Variants in FAM118B observed in about 807,000 individuals in gnomAD.
FAM118B encodes protein FAM118B.
Under a neutral mutation model 38.5 loss-of-function variants are expected in FAM118B, and 24 were observed. The observed-to-expected ratio is 0.62, with a 90% CI of 0.45 to 0.88. The LOEUF is 0.88. Ranked by LOEUF, FAM118B falls within the 40% of genes least tolerant of loss-of-function variation. The probability of loss-of-function intolerance (pLI) is 0.00; values close to 1 mark genes in which losing one functional copy is unlikely to be tolerated. For synonymous variants in FAM118B, 138 were observed against 156.3 expected, an observed-to-expected ratio of 0.88 and a Z score of 0.87; for missense variants, 334 against 420.0, an observed-to-expected ratio of 0.80 and a Z score of 1.79.
chr11:126,215,919 G>C (rs754923913), intron 1 of FAM118B, among the ~76,000 whole-genome samples: 1 of 151,594 alleles, frequency 6.6e-6, no homozygotes. Flanking sequence ...GAGGTGGGAG[G>C]ATCATTTGAG....
rs1950578758 is a variant in FAM118B, at chr11:126,256,324, C to T, written c.697-243C>T. Among the ~76,000 whole-genome samples, 1 of 152,184 alleles carries T rather than the reference C, an allele frequency of 6.6e-6. No homozygotes were observed. Among genetic ancestry groups the T allele is most frequent in the Non-Finnish European group, 1.5e-5 (1 of 68,020 alleles). ...AAACTACTGCACCAGTACACTGACA[C>T]CAGCTCTATGAAACGCTGATTAGAG... On this transcript the variant is annotated intron_variant, in intron 6 of 8. Coordinates refer to ENST00000533050, the MANE Select transcript of FAM118B (RefSeq NM_024556.4). This position sits in a 1 kb window ranked among gnomAD's most constrained non-coding sequence, Gnocchi z 6.6.
intron 1 of FAM118B, among the ~76,000 whole-genome samples, chr11:126,216,764 C>T (rs557332647): frequency 1.1e-3 from 168 of 152,334 alleles, no homozygotes; most frequent in Admixed American, 1.8e-3. Context: ...ATACTCATTT[C>T]CAAAGCAATC....
Position 126,241,029 on chromosome 11 carries a change from C to G in FAM118B, c.324C>G (p.Ile108Met). ...TGGTCCATGTTGCCCATGACCTTAT[C>G]CAGAAACTCTCTCCTGTGAGTACCC... ...KNLVHVAHDLIQKLSPRTSNV... is the reference protein window; with the variant it reads ...KNLVHVAHDLMQKLSPRTSNV... The change falls in exon 4 of 9, where the codon ATC becomes ATG. Residue 108 changes from isoleucine to methionine, a missense_variant. Ile to Met is a conservative substitution (Grantham distance 10). Around this residue, in one of 3 missense-constraint regions of FAM118B, gnomAD observed 240 missense variants for 295.9 expected, o/e 0.81. Transcript: ENST00000533050. 6.3e-7 allele frequency: 1 copy of G among 1,599,136 alleles called. No individual in the cohort carries two copies. Among genetic ancestry groups the G allele is most frequent in the Non-Finnish European group, 8.5e-7 (1 of 1,171,866 alleles).
chr11:126,241,550 A>G (rs1388411056), intron 4 of FAM118B, among the ~76,000 whole-genome samples: 1 of 151,722 alleles, frequency 6.6e-6, no homozygotes, highest in Non-Finnish European at 1.5e-5. Context: ...AAATTTATTT[A>G]TTTATTTATT....
intron 3 of FAM118B, among the ~76,000 whole-genome samples, chr11:126,237,072 A>G (rs1950284365): frequency 6.7e-6 from 1 of 149,444 alleles, no homozygotes; most frequent in Non-Finnish European, 1.5e-5. Context: ...GCCCGCCACC[A>G]TGCCCGGCTA....
In FAM118B at chr11:126,249,731, CAAAAAAAAAAAA is replaced by C. The variant is rs71048775; in HGVS notation, c.340-763_340-752del. 1.1e-4 allele frequency among the ~76,000 whole-genome samples: 9 copies of C among 79,004 alleles called. No individual in the cohort carries two copies. The South Asian group carries it at 2.7e-3, about 23-fold the overall frequency. 51.8% of individuals were successfully genotyped at this position (79,004 alleles called of 152,430 possible). A position where few individuals can be genotyped will look rare whatever the true frequency, so the allele number is the denominator to read the frequency against. ...TGGGTGACAGAATGAGACTCCGTCT[CAAAAAAAAAAAA>C]AAAAAAAAAAAGAAAAAGAAAAGGA... On this transcript the variant is annotated intron_variant, in intron 4 of 8. Transcript: ENST00000533050.
At chr11:126,225,830 A>C (rs550283929) in intron 1 of FAM118B, among the ~76,000 whole-genome samples, 3 of 152,246 alleles carry the variant, frequency 2.0e-5, no homozygotes, top group African/African-American at 4.8e-5. Flanking sequence ...AAATACAAAA[A>C]TTAGCTGGGC....
At position 126,239,608 on chromosome 11, in the gene FAM118B, T is replaced by C. The variant is rs144213478; in HGVS notation, c.87-1184T>C. ...CATGACTCCCGTAGTGTCTGGTACA[T>C]ACAGGTTTTCCTTTCCTGCCTCAGC... On this transcript the variant is annotated intron_variant, in intron 3 of 8. Coordinates refer to ENST00000533050, the MANE Select transcript of FAM118B (RefSeq NM_024556.4). 7.9e-5 allele frequency among the ~76,000 whole-genome samples: 12 copies of C among 152,242 alleles called. No homozygotes were observed. In the South Asian group the frequency reaches 1.2e-3, roughly 16 times the overall value.
intron 4 of FAM118B, among the ~76,000 whole-genome samples, chr11:126,243,903 CA>C (rs34063466): frequency 0.037 from 3,885 of 104,528 alleles, 118 homozygotes; most frequent in African/African-American, 0.11. Flanking sequence ...GACTCCGTCT[CA>C]AAAAAAAAAA....
chr11:126,237,794 T>G (rs1420644435), intron 3 of FAM118B, among the ~76,000 whole-genome samples: 2 of 142,316 alleles, frequency 1.4e-5, no homozygotes, highest in East Asian at 4.2e-4. Flanking sequence ...GAGGCGGAGG[T>G]TGCAGTGAGC....
rs1166601219 is a variant in FAM118B, at chr11:126,211,814, C to T, written c.-93C>T. 6.7e-5 allele frequency: 44 copies of T among 658,282 alleles called. No homozygotes were observed. Among genetic ancestry groups the T allele is most frequent in the South Asian group, 3.8e-5 (2 of 53,300 alleles). The allele number at this position is 658,282 out of a possible 1,614,324, so 40.8% of individuals were successfully genotyped here. On this transcript the variant is annotated 5_prime_UTR_variant, in exon 1 of 9. Coordinates refer to ENST00000533050, the MANE Select transcript of FAM118B (RefSeq NM_024556.4). ...CCGGTAGCTGCAGCTGGAGCAGTGG[C>T]GTTTGGAGGAGACTCGGTGAGTGTG...
At chr11:126,247,972 A>G (rs1036515148) in intron 4 of FAM118B, among the ~76,000 whole-genome samples, 2 of 141,786 alleles carry the variant, frequency 1.4e-5, no homozygotes, top group Non-Finnish European at 3.0e-5. Flanking sequence ...CACACTATCA[A>G]TACATTATAT....
At chr11:126,217,664 G>C (rs1163473681) in intron 1 of FAM118B, among the ~76,000 whole-genome samples, 1 of 152,224 alleles carries the variant, frequency 6.6e-6, no homozygotes, top group Non-Finnish European at 1.5e-5. Context: ...AAGAACTGCT[G>C]CCTGGGGTCC....
intron 1 of FAM118B, among the ~76,000 whole-genome samples, chr11:126,221,400 CAGAA>C (rs1376298747): frequency 2.6e-5 from 4 of 152,036 alleles, no homozygotes; most frequent in African/African-American, 9.7e-5. Context: ...GTGCTTAAAA[CAGAA>C]AGAAAGAAAT....
rs1247560965 is a variant in FAM118B, at chr11:126,253,578, T to C, written c.568-727T>C. ...AAACTTTGTGGCTTGTAACAACAAA[T>C]ATCTTATCTGCCCATGATAAAGTAT... On this transcript the variant is annotated intron_variant, in intron 5 of 8. Transcript: ENST00000533050. The surrounding 1 kb of genome is among the most constrained non-coding windows in gnomAD (Gnocchi z 5.1). Among the ~76,000 whole-genome samples the C allele has an allele frequency of 4.6e-5, 7 of 152,320 alleles. No homozygotes were observed. The highest frequency in any genetic ancestry group is 1.7e-4 in the African/African-American group (7 of 41,588).
chr11:126,230,604 C>T (rs1198458278), intron 2 of FAM118B, among the ~76,000 whole-genome samples: 2 of 152,046 alleles, frequency 1.3e-5, no homozygotes, highest in Non-Finnish European at 2.9e-5. Flanking sequence ...CTTTTATTTC[C>T]AGGCAAAAAT....
At chr11:126,245,407 A>C (rs1484721634) in intron 4 of FAM118B, 4 of 152,238 alleles carry the variant, frequency 2.6e-5, no homozygotes. Context: ...ACAGAGCCAC[A>C]GTAACTAAGG....
chr11:126,219,078 T>A (rs2135126545), intron 1 of FAM118B, among the ~76,000 whole-genome samples: 1 of 152,280 alleles, frequency 6.6e-6, no homozygotes, highest in South Asian at 2.1e-4. Context: ...AAGCTTGCTT[T>A]CCATCTCCAA....
At chr11:126,225,453 C>T (rs1201171737) in intron 1 of FAM118B, among the ~76,000 whole-genome samples, 2 of 152,172 alleles carry the variant, frequency 1.3e-5, no homozygotes, top group African/African-American at 4.8e-5. Context: ...TTCACATGCA[C>T]AATAATTTTT....
Sources: allele counts gnomAD v4.1 joint callset (sites outside exome capture counted in the v4.1 genomes callset), GRCh38; gene constraint gnomAD v4.1.1; regional missense constraint gnomAD v4.1.1; non-coding constraint Gnocchi (gnomAD v3.1); transcripts MANE v1.5; gene names NCBI Gene and HGNC (gene_info 2026-07-23, HGNC 2026-07-21).